The following NFIB variants were observed in gnomAD, a reference collection of about 807,000 sequenced individuals.
NFIB encodes the protein nuclear factor I B.
In NFIB, 11 loss-of-function variants were observed where a neutral mutation model predicts 61.5. The observed-to-expected ratio is 0.18, with a 90% CI of 0.11 to 0.30. The LOEUF is 0.30. Ranked by LOEUF, NFIB falls within the 10% of genes least tolerant of loss-of-function variation. The pLI is 1.00. For missense variants in NFIB, 471 were observed against 608.9 expected (o/e 0.77, Z 2.38); for synonymous variants, 260 against 216.5 (o/e 1.20, Z -1.76).
At chr9:14,514,906 A>C in the NFIB span, among the ~76,000 whole-genome samples, 1 of 152,160 alleles carries the variant, frequency 6.6e-6, no homozygotes, top group African/African-American at 2.4e-5. Context: ...TGACTCTAGT[A>C]TGTAGCCATA....
Position 14,123,753 on chromosome 9 carries a change from CT to C in NFIB, c.1060+1878del, listed in dbSNP as rs2039254958. On this transcript the variant is annotated intron_variant, in intron 7 of 10. Transcript: ENST00000380953. ...TGCCTCTCTGCCTCCCAGTTTGCCCCTCTTCCTCTTAGTTTGCCCCTCTGCC... is the reference window on the plus strand; with the variant it reads ...TGCCTCTCTGCCTCCCAGTTTGCCCCCTTCCTCTTAGTTTGCCCCTCTGCC... Among the ~76,000 whole-genome samples, 4 of 152,146 alleles carry C rather than the reference CT, an allele frequency of 2.6e-5. 1 individual carries two copies. The Middle Eastern group carries it at 0.01, about 388-fold the overall frequency.
At chr9:14,331,956 A>G (rs565685471) in intron 1 of NFIB, among the ~76,000 whole-genome samples, 1 of 152,328 alleles carries the variant, frequency 6.6e-6, no homozygotes, top group East Asian at 1.9e-4. Flanking sequence ...AAGAATAGAT[A>G]TGGTCTGCGA....
the NFIB span, among the ~76,000 whole-genome samples, chr9:14,471,838 T>C: frequency 6.6e-6 from 1 of 152,230 alleles, no homozygotes; most frequent in Non-Finnish European, 1.5e-5. Context: ...TGTTTCCCAG[T>C]TGGGACAAAC....
the NFIB span, among the ~76,000 whole-genome samples, chr9:14,420,850 G>C: frequency 6.6e-6 from 1 of 152,104 alleles, no homozygotes; most frequent in Non-Finnish European, 1.5e-5. Flanking sequence ...GGAACCTCTT[G>C]TCTCAAGGCT....
At chr9:14,317,120 C>T (rs1320761097), upstream of NFIB, 2 of 152,174 alleles carry the variant, frequency 1.3e-5, no homozygotes, top group Non-Finnish European at 2.9e-5. Context: ...AAAAAGAGGC[C>T]CAGGGCTGAG....
In NFIB at chr9:14,313,173, G is replaced by A. The variant is rs2060366398; in HGVS notation, c.30+309C>T. On this transcript the variant is annotated intron_variant, in intron 1 of 10. Transcript: ENST00000380953. The surrounding 1 kb of genome is among the most constrained non-coding windows in gnomAD (Gnocchi z 4.5). The stretch of plus-strand genomic sequence containing the variant: ...CCGGGCGGGGATGCCGCACCACAAC[G>A]GGCACTTGAGGGGCCGCACGGGGCC... Among the ~76,000 whole-genome samples the A allele has an allele frequency of 1.3e-5, 2 of 152,102 alleles. No individual in the cohort carries two copies. The highest frequency in any genetic ancestry group is 4.8e-5 in the African/African-American group (2 of 41,432).
At chr9:14,269,512 T>A (rs767790355) in intron 2 of NFIB, among the ~76,000 whole-genome samples, 1 of 152,230 alleles carries the variant, frequency 6.6e-6, no homozygotes, top group Non-Finnish European at 1.5e-5. Flanking sequence ...TTCACCCATA[T>A]ACATCTGTCA....
intron 3 of NFIB, among the ~76,000 whole-genome samples, chr9:14,177,489 C>G (rs2046315861): frequency 6.6e-6 from 1 of 151,922 alleles, no homozygotes; most frequent in African/African-American, 2.4e-5. Context: ...AAATAGAATT[C>G]CTTAATAAGC....
At chr9:14,300,911 T>A (rs906544685) in intron 2 of NFIB, among the ~76,000 whole-genome samples, 1 of 152,206 alleles carries the variant, frequency 6.6e-6, no homozygotes, top group Admixed American at 6.5e-5. Context: ...ATATTGGGTA[T>A]CTTGGATTGC....
At chr9:14,113,500 A>G (rs951460206) in intron 9 of NFIB, among the ~76,000 whole-genome samples, 1 of 152,250 alleles carries the variant, frequency 6.6e-6, no homozygotes, top group Non-Finnish European at 1.5e-5. Flanking sequence ...TCCGCCAGGA[A>G]AAAGTGACAG....
chr9:14,088,886 G>T (rs1437068441), intron 10 of NFIB, among the ~76,000 whole-genome samples: 1 of 152,120 alleles, frequency 6.6e-6, no homozygotes, highest in Non-Finnish European at 1.5e-5. Context: ...GTAGGCCCAT[G>T]CATAACATAC....
chr9:14,109,300 T>C (rs2118975704), intron 10 of NFIB, among the ~76,000 whole-genome samples: 1 of 152,238 alleles, frequency 6.6e-6, no homozygotes, highest in Middle Eastern at 3.4e-3. Context: ...ACGTGGTTCC[T>C]TCATTGCCTA....
the NFIB span, among the ~76,000 whole-genome samples, chr9:14,498,669 T>C: frequency 6.6e-6 from 1 of 152,074 alleles, no homozygotes; most frequent in African/African-American, 2.4e-5. Context: ...GGGAGTGTGA[T>C]GAGCTTCCTG....
chr9:14,409,879 G>C, the NFIB span, among the ~76,000 whole-genome samples: 1 of 151,986 alleles, frequency 6.6e-6, no homozygotes, highest in Non-Finnish European at 1.5e-5. Flanking sequence ...AACTAATTAG[G>C]GATTTAGGAT....
intron 2 of NFIB, among the ~76,000 whole-genome samples, chr9:14,219,355 T>A (rs1305694791): frequency 8.8e-6 from 1 of 114,114 alleles, no homozygotes; most frequent in East Asian, 2.5e-4. Flanking sequence ...GAAACTTTAA[T>A]ATAGAGTCAT....
the NFIB span, among the ~76,000 whole-genome samples, chr9:14,522,613 T>G: frequency 6.6e-6 from 1 of 152,150 alleles, no homozygotes; most frequent in Non-Finnish European, 1.5e-5. Context: ...CTATCGATAA[T>G]AGCAAACTAC....
intron 1 of NFIB, among the ~76,000 whole-genome samples, chr9:14,356,908 A>C (rs1332082766): frequency 6.6e-6 from 1 of 152,224 alleles, no homozygotes; most frequent in Admixed American, 6.5e-5. Flanking sequence ...AAGGATATAC[A>C]CTGATTTATA....
chr9:14,289,023 A>G (rs962393287), intron 2 of NFIB, among the ~76,000 whole-genome samples: 1 of 151,408 alleles, frequency 6.6e-6, no homozygotes, highest in Non-Finnish European at 1.5e-5. Flanking sequence ...AAAGGATTTA[A>G]TATACCACAT....
At chr9:14,288,794 G>C (rs1315551173) in intron 2 of NFIB, among the ~76,000 whole-genome samples, 1 of 151,932 alleles carries the variant, frequency 6.6e-6, no homozygotes, top group Non-Finnish European at 1.5e-5. Context: ...ACTCGGACAA[G>C]GCCATCAGTA....
Sources: gnomAD v4.1 joint callset for allele counts (sites outside exome capture counted in the v4.1 genomes callset) on GRCh38, gnomAD v4.1.1 for gene constraint, Gnocchi (gnomAD v3.1) non-coding constraint, MANE v1.5 for transcripts, NCBI Gene and HGNC (gene_info 2026-07-23, HGNC 2026-07-21) for gene names.